Variants in MAP3K12 observed in about 807,000 individuals in gnomAD.
The protein encoded by MAP3K12 is mitogen-activated protein kinase kinase kinase 12, also known as MAPK-upstream kinase.
A neutral mutation model predicts 87.5 loss-of-function variants in MAP3K12; 14 were observed. That is an observed-to-expected ratio of 0.16 (90% CI 0.11 to 0.25). The LOEUF (loss-of-function observed/expected upper bound fraction) is 0.25. Ranked by LOEUF, MAP3K12 falls within the 10% of genes least tolerant of loss-of-function variation. The probability of loss-of-function intolerance (pLI) is 1.00; values close to 1 mark genes in which losing one functional copy is unlikely to be tolerated. For synonymous variants in MAP3K12, 469 were observed against 452.5 expected, an observed-to-expected ratio of 1.04 and a Z score of -0.46; for missense variants, 802 against 1,140.4, an observed-to-expected ratio of 0.70 and a Z score of 4.27.
chr12:53,483,103 G>A lies in MAP3K12; in HGVS notation c.1700C>T (p.Pro567Leu), dbSNP rs770090015. 4.6e-6 allele frequency: 7 copies of A among 1,525,080 alleles called. No individual in the cohort carries two copies. The highest frequency in any genetic ancestry group is 2.2e-5 in the Admixed American group (1 of 44,910). 94.5% of individuals were successfully genotyped at this position (1,525,080 alleles called of 1,614,324 possible). A position where few individuals can be genotyped will look rare whatever the true frequency, so the allele number is the denominator to read the frequency against. The change falls in exon 11 of 14, where the codon CCC becomes CTC. Residue 567 changes from proline to leucine, a missense_variant. Transcript: ENST00000547488. ...ACGGCGACTCCGTCCTGGTGAGGGGGGGCCCTTAGGACACCCAGGAAGCCC... is the reference window on the plus strand; with the variant it reads ...ACGGCGACTCCGTCCTGGTGAGGGGAGGCCCTTAGGACACCCAGGAAGCCC... The part of the protein sequence containing the change: ...GVGLPGCPKG[P>L]PSPGRSRRGK...
rs1943219188 is a variant in MAP3K12, at chr12:53,486,017, C to T, written c.821+39G>A. 2.6e-6 allele frequency: 4 copies of T among 1,563,298 alleles called. No individual in the cohort carries two copies. The highest frequency in any genetic ancestry group is 1.2e-5 in the South Asian group (1 of 82,578). On this transcript the variant is annotated intron_variant, in intron 4 of 13. Transcript: ENST00000547488. This position sits in a 1 kb window ranked among gnomAD's most constrained non-coding sequence, Gnocchi z 4.9. ...AGGCCACACTGACTTGAGTGGGTCACCTGCATGCACATCTGTTGCTCCCTG... is the reference window on the plus strand; with the variant it reads ...AGGCCACACTGACTTGAGTGGGTCATCTGCATGCACATCTGTTGCTCCCTG...
chr12:53,488,694 TA>T (rs952613649), intron 1 of MAP3K12, among the ~76,000 whole-genome samples: 39 of 151,142 alleles, frequency 2.6e-4, no homozygotes, highest in Non-Finnish European at 4.1e-4. Context: ...AAGCAACCAT[TA>T]AAAAACCTGA....
At position 53,483,502 on chromosome 12, in the gene MAP3K12, C is replaced by A; in HGVS notation, c.1476-16G>T. On this transcript the variant is annotated splice_polypyrimidine_tract_variant and intron_variant, in intron 9 of 13. Coordinates refer to ENST00000547488, the MANE Select transcript of MAP3K12 (RefSeq NM_001193511.2). Reference sequence around the variant, plus strand: ...TTGCTCTCGCCTAAAGATCCAGGCACCTTCTCAGCTGGGCAAATGACCAGG... The same window carrying A: ...TTGCTCTCGCCTAAAGATCCAGGCAACTTCTCAGCTGGGCAAATGACCAGG... 1 of 1,614,020 alleles carries A rather than the reference C, an allele frequency of 6.2e-7. No homozygotes were observed. Among genetic ancestry groups the A allele is most frequent in the Non-Finnish European group, 8.5e-7 (1 of 1,179,956 alleles).
At position 53,495,339 on chromosome 12, in the gene MAP3K12, CAAAAAAA is replaced by C. The variant is rs10647631; in HGVS notation, c.-38+4081_-38+4087del. Among the ~76,000 whole-genome samples the C allele has an allele frequency of 4.6e-4, 9 of 19,378 alleles. No individual in the cohort carries two copies. In the East Asian group the frequency reaches 8.0e-3, roughly 17 times the overall value. The allele number at this position is 19,378 out of a possible 152,430, so 12.7% of individuals were successfully genotyped here. A position where few individuals can be genotyped will look rare whatever the true frequency, so the allele number is the denominator to read the frequency against. On this transcript the variant is annotated intron_variant, in intron 1 of 13. Transcript: ENST00000547488. ...AGGCGACAGAGCAATACTCTGTCTC[CAAAAAAA>C]AAAAAAAAAAAAAAAAAAAAAGGCC...
chr12:53,501,367 G>C (rs1325652397), upstream of MAP3K12: 2 of 1,552,472 alleles, frequency 1.3e-6, no homozygotes. Context: ...GGGGCGCGTG[G>C]AGGCTGCAGT....
upstream of MAP3K12, chr12:53,501,404 A>G: frequency 6.4e-7 from 1 of 1,563,118 alleles, no homozygotes; most frequent in Admixed American, 1.9e-5. Context: ...GGGACGGAGG[A>G]GGGAATGAGT....
In MAP3K12 at chr12:53,486,877, T is replaced by C. The variant is rs1196725541; in HGVS notation, c.445+70A>G. The C allele has an allele frequency of 2.5e-6, 4 of 1,585,538 alleles. No individual in the cohort carries two copies. The highest frequency in any genetic ancestry group is 3.4e-6 in the Non-Finnish European group (4 of 1,163,792). On this transcript the variant is annotated intron_variant, in intron 2 of 13. Coordinates refer to ENST00000547488, the MANE Select transcript of MAP3K12 (RefSeq NM_001193511.2). This position sits in a 1 kb window ranked among gnomAD's most constrained non-coding sequence, Gnocchi z 4.9. ...GAGGGAAGGGACCATTGCGTGACTT[T>C]AGCGGAGCTGACCAACAGATCTCGG...
At chr12:53,484,721 C>G in intron 6 of MAP3K12, 1 of 451,522 alleles carries the variant, frequency 2.2e-6, no homozygotes, top group East Asian at 4.4e-5. Flanking sequence ...GGGGTCCTTT[C>G]CTTCTGTGTT....
rs745548967 is a variant in MAP3K12, at chr12:53,487,235, C to T, written c.157G>A (p.Val53Ile). ...TPTQCVLRDV[V>I]PLGGQGGGGP... ...CCCCCACCCTGCCCACCAAGGGGTA[C>T]CACATCTCGAAGTACACACTGGGTA... Residue 53 changes from valine to isoleucine, a missense_variant, in exon 2 of 14, where the codon GTA becomes ATA. Physicochemically the swap from Val to Ile is conservative, Grantham distance 29. This residue lies in a region of MAP3K12 where 135 missense variants were observed against 151.6 expected (regional missense o/e 0.89). Transcript: ENST00000547488. The T allele has an allele frequency of 1.9e-6, 3 of 1,613,402 alleles. No individual in the cohort carries two copies. The highest frequency in any genetic ancestry group is 1.3e-5 in the African/African-American group (1 of 74,716).
chr12:53,482,651 T>C lies in MAP3K12; in HGVS notation c.2152A>G (p.Thr718Ala), dbSNP rs1429696117. 8 of 1,613,734 alleles carry C rather than the reference T, an allele frequency of 5.0e-6. No individual in the cohort carries two copies. In the East Asian group the frequency reaches 1.6e-4, roughly 31 times the overall value. The change falls in exon 11 of 14, where the codon ACC becomes GCC. Residue 718 changes from threonine (T) to alanine (A), a missense_variant. Around this residue, in one of 5 missense-constraint regions of MAP3K12, gnomAD observed 490 missense variants for 496.6 expected, o/e 0.99. Transcript: ENST00000547488. ...VGLLGTGREGTSGRGGSRAGS... is the reference protein window; with the variant it reads ...VGLLGTGREGASGRGGSRAGS... ...GCCCGGCTTCCTCCCCGGCCTGAGGTCCCTTCCCTTCCAGTTCCCAGAAGC... is the reference window on the plus strand; with the variant it reads ...GCCCGGCTTCCTCCCCGGCCTGAGGCCCCTTCCCTTCCAGTTCCCAGAAGC...
intron 1 of MAP3K12, among the ~76,000 whole-genome samples, chr12:53,498,677 TG>T (rs1943593241): frequency 1.3e-5 from 2 of 151,656 alleles, no homozygotes; most frequent in African/African-American, 4.8e-5. Context: ...AGGGCCTGAC[TG>T]GGGGAGATGG....
rs529867800 is a variant in MAP3K12 at position 53,487,257 on chromosome 12, G to A, written c.135C>T (p.Thr45=). Residue 45 remains threonine (T), a synonymous_variant, in exon 2 of 14, where the codon ACC becomes ACT. Coordinates refer to ENST00000547488, the MANE Select transcript of MAP3K12 (RefSeq NM_001193511.2). ...DCTPEKDLTP[T]QCVLRDVVPL... ...GTACCACATCTCGAAGTACACACTG[G>A]GTAGGCGTCAGGTCCTTCTCGGGAG... The A allele has an allele frequency of 3.7e-6, 6 of 1,613,920 alleles. No homozygotes were observed. In the East Asian group the frequency reaches 1.3e-4, roughly 36 times the overall value.
Position 53,484,977 on chromosome 12 carries a change from T to C in MAP3K12, c.1139+79A>G, listed in dbSNP as rs1033022192. 5 of 1,548,784 alleles carry C rather than the reference T, an allele frequency of 3.2e-6. No individual in the cohort carries two copies. The African/African-American group carries it at 5.5e-5, about 17-fold the overall frequency. On this transcript the variant is annotated intron_variant, in intron 6 of 13. Coordinates refer to ENST00000547488, the MANE Select transcript of MAP3K12 (RefSeq NM_001193511.2). ...CTTTGAATTAAATGTACCCCTGCCA[T>C]TTATTGGTCAGTCCAGCCCAGTACT... is the stretch of plus-strand genomic sequence containing the variant.
chr12:53,484,744 A>T, intron 6 of MAP3K12: 1 of 471,652 alleles, frequency 2.1e-6, no homozygotes, highest in Non-Finnish European at 3.8e-6. Flanking sequence ...AAGGTTGTTT[A>T]CTTGAGGCTC....
At position 53,485,290 on chromosome 12, in the gene MAP3K12, C is replaced by G. The variant is rs762116799; in HGVS notation, c.980+27G>C. On this transcript the variant is annotated intron_variant, in intron 5 of 13. Transcript: ENST00000547488. ...ATCCCCCCAGGGCTGGCCACCCACTCTTCTCAGTTTTCAGCCTAGTTCTCA... is the reference window on the plus strand; with the variant it reads ...ATCCCCCCAGGGCTGGCCACCCACTGTTCTCAGTTTTCAGCCTAGTTCTCA... 8 of 1,607,766 alleles carry G rather than the reference C, an allele frequency of 5.0e-6. No homozygotes were observed. The South Asian group carries it at 8.9e-5, about 18-fold the overall frequency.
At position 53,483,784 on chromosome 12, in the gene MAP3K12, TCA is replaced by T. The variant is rs1450536444; in HGVS notation, c.1359-63_1359-62del. The stretch of plus-strand genomic sequence containing the variant: ...GGTTCACCTAGGGCCATAACAGATC[TCA>T]GTCTCAGAATTCCTGTCCACAGTCC... On this transcript the variant is annotated intron_variant, in intron 8 of 13. Transcript: ENST00000547488. 5.0e-5 allele frequency: 80 copies of T among 1,612,374 alleles called. No individual in the cohort carries two copies. The East Asian group carries it at 6.5e-4, about 13-fold the overall frequency.
At chr12:53,501,128 A>G, upstream of MAP3K12, 2 of 531,006 alleles carry the variant, frequency 3.8e-6, no homozygotes, top group Non-Finnish European at 3.4e-6. Context: ...ACAAAAAAAT[A>G]CGGCCTTCTC....
At position 53,481,089 on chromosome 12, in the gene MAP3K12, TTCTG is replaced by T; in HGVS notation, c.*89_*92del. 1.9e-6 allele frequency: 1 copy of T among 521,472 alleles called. No homozygotes were observed. Among genetic ancestry groups the T allele is most frequent in the South Asian group, 8.8e-5 (1 of 11,340 alleles). 32.3% of individuals were successfully genotyped at this position (521,472 alleles called of 1,614,324 possible). Reference sequence around the variant, plus strand: ...ACTTACGGCTGGGACAGCCCCATCTTTCTGTTGATTATGTGGCGCATATATATAT... The same window carrying T: ...ACTTACGGCTGGGACAGCCCCATCTTTTGATTATGTGGCGCATATATATAT... On this transcript the variant is annotated 3_prime_UTR_variant, in exon 14 of 14. Coordinates refer to ENST00000547488, the MANE Select transcript of MAP3K12 (RefSeq NM_001193511.2).
In MAP3K12 at chr12:53,481,056, C is replaced by T. The variant is rs1360583781; in HGVS notation, c.*126G>A. The T allele has an allele frequency of 2.0e-5, 6 of 300,776 alleles. No homozygotes were observed. Among genetic ancestry groups the T allele is most frequent in the South Asian group, 1.4e-4 (1 of 7,000 alleles). The allele number at this position is 300,776 out of a possible 1,614,324, so 18.6% of individuals were successfully genotyped here. On this transcript the variant is annotated 3_prime_UTR_variant, in exon 14 of 14. Transcript: ENST00000547488. ...AATTGGTCAGGGGATCAGTCTCCCT[C>T]GAGCCTGACTTACGGCTGGGACAGC...
Sources: gnomAD v4.1 joint callset for allele counts (sites outside exome capture counted in the v4.1 genomes callset) on GRCh38, gnomAD v4.1.1 for gene constraint, gnomAD v4.1.1 regional missense constraint, Gnocchi (gnomAD v3.1) non-coding constraint, MANE v1.5 for transcripts, NCBI Gene and HGNC (gene_info 2026-07-23, HGNC 2026-07-21) for gene names.